MUC5B: variants seen among roughly 807,000 people sequenced by gnomAD.
MUC5B encodes the protein mucin 5B, oligomeric mucus/gel-forming.
MUC5B carries 116 observed loss-of-function variants against 376.9 expected under a neutral mutation model. The ratio of observed to expected loss-of-function variants is 0.31; its 90% confidence interval spans 0.26 to 0.36. The LOEUF is 0.36. Ranked by LOEUF, MUC5B falls within the 10% of genes least tolerant of loss-of-function variation. The pLI, the probability that MUC5B is intolerant of heterozygous loss-of-function variation, is 1.00. For missense variants in MUC5B, 7,165 were observed against 7,769.9 expected (o/e 0.92, Z 2.93); for synonymous variants, 3,517 against 3,390.9 (o/e 1.04, Z -1.29).
In MUC5B at chr11:1,229,988, A is replaced by G; in HGVS notation, c.1221-17A>G. ...TCCTCCCGACATGCCGGTTCTGCTC[A>G]CGGCCTCCCTCCCCAGCACCTGCTC... On this transcript the variant is annotated splice_polypyrimidine_tract_variant and intron_variant, in intron 10 of 48. Transcript: ENST00000529681. The G allele has an allele frequency of 6.3e-7, 1 of 1,579,270 alleles. No individual in the cohort carries two copies. The highest frequency in any genetic ancestry group is 1.1e-5 in the South Asian group (1 of 87,642).
Position 1,242,154 on chromosome 11 carries a change from C to G in MUC5B, c.5274C>G (p.Ala1758=), listed in dbSNP as rs373257922. ...TLTSELSTSQ[A]ETSTPRTETT... The stretch of plus-strand genomic sequence containing the variant: ...CGAGCGAGCTGTCCACCTCTCAGGC[C>G]GAGACCAGCACGCCCAGGACAGAGA... The change falls in exon 31 of 49, where the codon GCC becomes GCG. Residue 1758 remains alanine, a synonymous_variant. Transcript: ENST00000529681. 2 of 1,613,512 alleles carry G rather than the reference C, an allele frequency of 1.2e-6. No individual in the cohort carries two copies. Among genetic ancestry groups the G allele is most frequent in the South Asian group, 1.1e-5 (1 of 91,084 alleles).
chr11:1,236,628 C>T lies in MUC5B; in HGVS notation c.3057+66C>T, dbSNP rs1400729113. ...CTCACAGTGACAGAAACCCTGGTGC[C>T]AGGTGGGGTCTGTGGGACTCGCTGA... On this transcript the variant is annotated intron_variant, in intron 24 of 48. Coordinates refer to ENST00000529681, the MANE Select transcript of MUC5B (RefSeq NM_002458.3). 4 of 1,525,228 alleles carry T rather than the reference C, an allele frequency of 2.6e-6. No homozygotes were observed. The African/African-American group carries it at 4.1e-5, about 16-fold the overall frequency. 94.5% of individuals were successfully genotyped at this position (1,525,228 alleles called of 1,614,324 possible). A position where few individuals can be genotyped will look rare whatever the true frequency, so the allele number is the denominator to read the frequency against.
chr11:1,262,162 A>C lies in MUC5B; in HGVS notation c.*554A>C. On this transcript the variant is annotated 3_prime_UTR_variant, in exon 49 of 49. Transcript: ENST00000529681. ...AGCCCAGTTTTGCAAATAAACCCTG[A>C]GCATTGAGTACGTTTCCTGTCCTGA... 6.2e-6 allele frequency: 3 copies of C among 482,178 alleles called. No homozygotes were observed. Among genetic ancestry groups the C allele is most frequent in the South Asian group, 4.6e-5 (3 of 65,564 alleles). The allele number at this position is 482,178 out of a possible 1,614,324, so 29.9% of individuals were successfully genotyped here.
Position 1,247,921 on chromosome 11 carries a change from G to T in MUC5B, c.11041G>T (p.Ala3681Ser), listed in dbSNP as rs370112301. ...CAGCACCCCGGCCACCAGCTCTACG[G>T]CCACGCCCTCCTCAACTCCGGGGAC... The part of the protein sequence containing the change: ...CPSTPATSST[A>S]TPSSTPGTTW... The change falls in exon 31 of 49, where the codon GCC becomes TCC. Residue 3681 changes from alanine to serine, a missense_variant. Physicochemically the swap from Ala to Ser is moderately conservative, Grantham distance 99. Around this residue, in one of 31 missense-constraint regions of MUC5B, gnomAD observed 90 missense variants for 71.1 expected, o/e 1.27. Coordinates refer to ENST00000529681, the MANE Select transcript of MUC5B (RefSeq NM_002458.3). 6.2e-7 allele frequency: 1 copy of T among 1,611,752 alleles called. No homozygotes were observed. The highest frequency in any genetic ancestry group is 1.7e-5 in the Admixed American group (1 of 59,988).
At chr11:1,259,602 A>G in intron 44 of MUC5B, 154 bp from the exon 45 acceptor site, 1 of 690,558 alleles carries the variant, frequency 1.4e-6, no homozygotes, top group Non-Finnish European at 2.5e-6. Context: ...CTGAGCCGGG[A>G]TAACTGAGTG....
chr11:1,251,058 C>T lies in MUC5B; in HGVS notation c.14178C>T (p.Ser4726=). Residue 4726 remains serine, a synonymous_variant, in exon 31 of 49, where the codon TCC becomes TCT. Coordinates refer to ENST00000529681, the MANE Select transcript of MUC5B (RefSeq NM_002458.3). The part of the protein sequence containing the change: ...PAATSSKATS[S]SSPRTATTLP... The stretch of plus-strand genomic sequence containing the variant: ...CCACCAGCTCCAAAGCCACTTCCTC[C>T]TCCAGTCCAAGGACTGCAACCACCC... 1.2e-6 allele frequency: 2 copies of T among 1,611,510 alleles called. No homozygotes were observed. Among genetic ancestry groups the T allele is most frequent in the South Asian group, 2.2e-5 (2 of 91,038 alleles).
chr11:1,257,645 G>A lies in MUC5B; in HGVS notation c.16385G>A (p.Arg5462His), dbSNP rs143587302. 30 of 1,596,162 alleles carry A rather than the reference G, an allele frequency of 1.9e-5. No homozygotes were observed. Among genetic ancestry groups the A allele is most frequent in the East Asian group, 1.8e-4 (8 of 44,534 alleles). The change falls in exon 41 of 49, where the codon CGT (arginine) becomes CAT (histidine). Residue 5462 changes from arginine (R) to histidine (H), a missense_variant. Around this residue, in one of 31 missense-constraint regions of MUC5B, gnomAD observed 842 missense variants for 1,016.9 expected, o/e 0.83. Transcript: ENST00000529681. The surrounding 1 kb of genome is among the most constrained non-coding windows in gnomAD (Gnocchi z 8.9). ...CAGGGTCAGCCCCCGCCGTGCAACCGTCCCGGCTTCGTAACCGTGACCAGG... is the reference window on the plus strand; with the variant it reads ...CAGGGTCAGCCCCCGCCGTGCAACCATCCCGGCTTCGTAACCGTGACCAGG... The part of the protein sequence containing the change: ...DAQGQPPPCN[R>H]PGFVTVTRPR...
Position 1,230,074 on chromosome 11 carries a change from G to A in MUC5B, c.1290G>A (p.Gly430=). The change falls in exon 11 of 49, where the codon GGG becomes GGA. Residue 430 remains glycine, a synonymous_variant. Coordinates refer to ENST00000529681, the MANE Select transcript of MUC5B (RefSeq NM_002458.3). ...PCPGTCSVQG[G]AHISTYDEKL... The stretch of plus-strand genomic sequence containing the variant: ...CTGGCACCTGCTCTGTGCAGGGCGG[G>A]GCCCACATCTCCACCTATGATGAGA... 1 of 1,612,186 alleles carries A rather than the reference G, an allele frequency of 6.2e-7. No individual in the cohort carries two copies. The highest frequency in any genetic ancestry group is 8.5e-7 in the Non-Finnish European group (1 of 1,179,548).
chr11:1,241,912 G>T lies in MUC5B; in HGVS notation c.5032G>T (p.Ala1678Ser). The stretch of plus-strand genomic sequence containing the variant: ...CACCACGGGAGGCCCCACGACGCCT[G>T]CAGGCTCCACAGAACCCACTGTCCC... ...TATTGGPTTP[A>S]GSTEPTVPGV... The change falls in exon 31 of 49, where the codon GCA becomes TCA. Residue 1678 changes from alanine (A) to serine (S), a missense_variant. Physicochemically the swap from Ala to Ser is moderately conservative, Grantham distance 99. Transcript: ENST00000529681. 1 of 1,610,100 alleles carries T rather than the reference G, an allele frequency of 6.2e-7. No homozygotes were observed. The highest frequency in any genetic ancestry group is 1.7e-5 in the Admixed American group (1 of 59,394).
rs116870693 is a variant in MUC5B, at chr11:1,245,890, G to T, written c.9010G>T (p.Ala3004Ser). ...GCAGACCACAGCAGCCACTACGACC[G>T]CAACCACTGGATCCACGGCCATCCC... ...TEQTTAATTTATTGSTAIPSS... is the reference protein window; with the variant it reads ...TEQTTAATTTSTTGSTAIPSS... Residue 3004 changes from alanine to serine, a missense_variant, in exon 31 of 49, where the codon GCA becomes TCA. By Grantham distance (99) the Ala-to-Ser change is moderately conservative. Transcript: ENST00000529681. The T allele has an allele frequency of 2.0e-5, 33 of 1,612,838 alleles. No individual in the cohort carries two copies. The highest frequency in any genetic ancestry group is 1.6e-4 in the South Asian group (15 of 91,048).
rs201828261 is a variant in MUC5B, at chr11:1,244,587, C to T, written c.7707C>T (p.Ser2569=). 2,063 of 1,605,872 alleles carry T rather than the reference C, an allele frequency of 1.3e-3. 5 individuals carry two copies. Among genetic ancestry groups the T allele is most frequent in the Non-Finnish European group, 1.6e-3 (1,895 of 1,173,058 alleles). ...TATMSTATPS[S]TPETVHTSTV... is the part of the protein sequence containing the mutation. ...CCATGTCCACAGCCACACCCTCCTC[C>T]ACTCCAGAGACTGTCCACACCTCCA... is the stretch of plus-strand genomic sequence containing the variant. The change falls in exon 31 of 49, where the codon TCC becomes TCT. Residue 2569 remains serine, a synonymous_variant. Transcript: ENST00000529681.
At position 1,233,230 on chromosome 11, in the gene MUC5B, G is replaced by A. The variant is rs1198427898; in HGVS notation, c.2283G>A (p.Leu761=). 1 of 1,591,024 alleles carries A rather than the reference G, an allele frequency of 6.3e-7. No individual in the cohort carries two copies. The highest frequency in any genetic ancestry group is 1.3e-5 in the African/African-American group (1 of 74,720). Residue 761 remains leucine, a synonymous_variant, in exon 18 of 49, where the codon CTG becomes CTA. Coordinates refer to ENST00000529681, the MANE Select transcript of MUC5B (RefSeq NM_002458.3). ...CCTGCTACGCTCACGGCACCGTGCT[G>A]GCTCCTGGAGAGGTGGTGCACGACG... is the stretch of plus-strand genomic sequence containing the variant. ...ECPCYAHGTV[L]APGEVVHDEG...
chr11:1,261,338 A>C, intron 48 of MUC5B, 51 bp from the exon 49 acceptor site: 1 of 1,495,642 alleles, frequency 6.7e-7, no homozygotes, highest in South Asian at 1.2e-5. Context: ...GGCTGGGCAG[A>C]GAAACGGCGG....
chr11:1,247,173 C>T lies in MUC5B; in HGVS notation c.10293C>T (p.Ser3431=), dbSNP rs773384455. Reference sequence around the variant, plus strand: ...CCACCACACCTGCAGCCACCAGCAGCACAGTGACTCCCTCCTCTGCCCTAG... The same window carrying T: ...CCACCACACCTGCAGCCACCAGCAGTACAGTGACTCCCTCCTCTGCCCTAG... The part of the protein sequence containing the change: ...TTATTPAATS[S]TVTPSSALGT... Residue 3431 remains serine (S), a synonymous_variant, in exon 31 of 49, where the codon AGC becomes AGT. Coordinates refer to ENST00000529681, the MANE Select transcript of MUC5B (RefSeq NM_002458.3). 2.7e-5 allele frequency: 42 copies of T among 1,568,910 alleles called. No homozygotes were observed. The highest frequency in any genetic ancestry group is 3.4e-4 in the Middle Eastern group (2 of 5,894).
Position 1,258,005 on chromosome 11 carries a change from C to A in MUC5B, c.16451-94C>A. 1.5e-6 allele frequency: 2 copies of A among 1,300,256 alleles called. No homozygotes were observed. Among genetic ancestry groups the A allele is most frequent in the Non-Finnish European group, 2.1e-6 (2 of 932,696 alleles). 80.5% of individuals were successfully genotyped at this position (1,300,256 alleles called of 1,614,324 possible). On this transcript the variant is annotated intron_variant, in intron 41 of 48. Coordinates refer to ENST00000529681, the MANE Select transcript of MUC5B (RefSeq NM_002458.3). This position sits in a 1 kb window ranked among gnomAD's most constrained non-coding sequence, Gnocchi z 5.5. ...CCAGGGGCTGTGAAGCGGTCAGGTC[C>A]TCGGGGAAAAGCACGCCTGCGACTT... is the stretch of plus-strand genomic sequence containing the variant.
chr11:1,252,218 C>A, intron 31 of MUC5B, 125 bp from the exon 32 acceptor site: 1 of 940,538 alleles, frequency 1.1e-6, no homozygotes, highest in Non-Finnish European at 1.6e-6. Flanking sequence ...CAGCCTCTGC[C>A]CTCTCCACTC....
rs774964077 is a variant in MUC5B at position 1,246,542 on chromosome 11, C to T, written c.9662C>T (p.Ala3221Val). ...TCCTCCAGTCCAGGGACTGCAACCG[C>T]CCTTCCAGCACTGAGAAGCACAGCC... ...TPSSSPGTAT[A>V]LPALRSTATT... is the part of the protein sequence containing the mutation. The change falls in exon 31 of 49, where the codon GCC (alanine) becomes GTC (valine). Residue 3221 changes from alanine (A) to valine (V), a missense_variant. Ala to Val is a moderately conservative substitution (Grantham distance 64). Around this residue, in one of 31 missense-constraint regions of MUC5B, gnomAD observed 939 missense variants for 770.6 expected, o/e 1.22. Coordinates refer to ENST00000529681, the MANE Select transcript of MUC5B (RefSeq NM_002458.3). 6.2e-7 allele frequency: 1 copy of T among 1,613,392 alleles called. No individual in the cohort carries two copies. The highest frequency in any genetic ancestry group is 8.5e-7 in the Non-Finnish European group (1 of 1,179,640).
chr11:1,251,391 C>T lies in MUC5B; in HGVS notation c.14511C>T (p.Thr4837=). The change falls in exon 31 of 49, where the codon ACC becomes ACT. Residue 4837 remains threonine (T), a synonymous_variant. Transcript: ENST00000529681. ...TTTAATGSTA[T]LSSTPGTTWI... ...CTGCAGCCACTGGATCCACGGCCAC[C>T]CTGTCCTCCACCCCAGGGACCACCT... 1 of 1,601,130 alleles carries T rather than the reference C, an allele frequency of 6.2e-7. No individual in the cohort carries two copies. The highest frequency in any genetic ancestry group is 8.5e-7 in the Non-Finnish European group (1 of 1,170,750).
In MUC5B at chr11:1,257,616, C is replaced by T. The variant is rs768908012; in HGVS notation, c.16356C>T (p.Asp5452=). The change falls in exon 41 of 49, where the codon GAC becomes GAT. Residue 5452 remains aspartate (D), a synonymous_variant. Coordinates refer to ENST00000529681, the MANE Select transcript of MUC5B (RefSeq NM_002458.3). The surrounding 1 kb of genome is among the most constrained non-coding windows in gnomAD (Gnocchi z 8.9). ...VSVQCKPLPC[D]AQGQPPPCNR... ...TGCAGTGCAAGCCCCTGCCCTGTGA[C>T]GCCCAGGGTCAGCCCCCGCCGTGCA... The T allele has an allele frequency of 2.4e-5, 39 of 1,603,404 alleles. No individual in the cohort carries two copies. The highest frequency in any genetic ancestry group is 2.3e-4 in the Admixed American group (14 of 59,906).
Sources: allele counts gnomAD v4.1 joint callset, GRCh38; gene constraint gnomAD v4.1.1; regional missense constraint gnomAD v4.1.1; non-coding constraint Gnocchi (gnomAD v3.1); transcripts MANE v1.5; gene names NCBI Gene and HGNC (gene_info 2026-07-23, HGNC 2026-07-21).